The following TEKT1 variants were observed in gnomAD, a reference collection of about 807,000 sequenced individuals.
TEKT1 encodes tektin 1.
In TEKT1, 32 loss-of-function variants were observed where a neutral mutation model predicts 34.8. That is an observed-to-expected ratio of 0.92 (90% confidence interval 0.69 to 1.23). The LOEUF (loss-of-function observed/expected upper bound fraction) is 1.23. Among genes scored for constraint, TEKT1 ranks in the 50% most tolerant of loss-of-function variants. TEKT1 has a pLI of 0.00. For synonymous variants in TEKT1, 207 were observed against 199.8 expected, an observed-to-expected ratio of 1.04 and a Z score of -0.30; for missense variants, 492 against 518.5, an observed-to-expected ratio of 0.95 and a Z score of 0.50.
Position 6,811,410 on chromosome 17 carries a change from T to C in TEKT1, c.852+1421A>G, listed in dbSNP as rs1185203750. Among the ~76,000 whole-genome samples, 3 of 152,092 alleles carry C rather than the reference T, an allele frequency of 2.0e-5. No homozygotes were observed. Among genetic ancestry groups the C allele is most frequent in the Non-Finnish European group, 2.9e-5 (2 of 68,036 alleles). ...ACTTAACCCTGGCTGGGGAAGACTATTGTTTCTCCCCATTTTATCAAGGAG... is the reference window on the plus strand; with the variant it reads ...ACTTAACCCTGGCTGGGGAAGACTACTGTTTCTCCCCATTTTATCAAGGAG... On this transcript the variant is annotated intron_variant, in intron 6 of 7. Coordinates refer to ENST00000338694, the MANE Select transcript of TEKT1 (RefSeq NM_053285.2). This position sits in a 1 kb window ranked among gnomAD's most constrained non-coding sequence, Gnocchi z 4.4.
chr17:6,821,391 C>G (rs1977087922), intron 2 of TEKT1, among the ~76,000 whole-genome samples: 1 of 152,180 alleles, frequency 6.6e-6, no homozygotes, highest in Admixed American at 6.5e-5. Context: ...CTCCTGCCAC[C>G]ATGTGAAGAA....
At chr17:6,826,617 C>CAGATAGATAGAT (rs78082301) in intron 2 of TEKT1, among the ~76,000 whole-genome samples, 19 of 145,886 alleles carry the variant, frequency 1.3e-4, no homozygotes, top group African/African-American at 3.1e-4. Flanking sequence ...CTTAGATTTG[C>CAGATAGATAGAT]AGATAGATAG....
At chr17:6,812,110 T>C (rs953578948) in intron 6 of TEKT1, among the ~76,000 whole-genome samples, 1 of 151,924 alleles carries the variant, frequency 6.6e-6, no homozygotes, top group Non-Finnish European at 1.5e-5. Flanking sequence ...TCTCATGAGA[T>C]CTGATGGTTT....
At chr17:6,816,012 A>T in intron 3 of TEKT1, 50 bp from the exon 4 acceptor site, 1 of 1,607,692 alleles carries the variant, frequency 6.2e-7, no homozygotes, top group Non-Finnish European at 8.5e-7. Context: ...ACATGAGGTG[A>T]CTCAACATTG....
rs376922291 is a variant in TEKT1 at position 6,800,085 on chromosome 17, C to G, written c.1199G>C (p.Arg400Pro). The G allele has an allele frequency of 1.9e-6, 3 of 1,613,430 alleles. No individual in the cohort carries two copies. Among genetic ancestry groups the G allele is most frequent in the African/African-American group, 1.3e-5 (1 of 75,068 alleles). ...CMQMRKSIPLRDGEDHGVWAG... is the reference protein window; with the variant it reads ...CMQMRKSIPLPDGEDHGVWAG... ...CCAGACCCCATGGTCTTCCCCATCC[C>G]GAAGTGGGATGGATTTCCTCATCTG... Residue 400 changes from arginine (R) to proline (P), a missense_variant, in exon 8 of 8, where the codon CGG becomes CCG. Physicochemically the swap from Arg to Pro is moderately radical, Grantham distance 103. Coordinates refer to ENST00000338694, the MANE Select transcript of TEKT1 (RefSeq NM_053285.2).
At position 6,802,671 on chromosome 17, in the gene TEKT1, C is replaced by A. The variant is rs530049900; in HGVS notation, c.853-1728G>T. The stretch of plus-strand genomic sequence containing the variant: ...CAACAGGCCCTGGTGTGTGATGTTC[C>A]CCTTCCTGTGTCCATGTGTTCTCAT... On this transcript the variant is annotated intron_variant, in intron 6 of 7. Coordinates refer to ENST00000338694, the MANE Select transcript of TEKT1 (RefSeq NM_053285.2). Among the ~76,000 whole-genome samples, 933 of 148,362 alleles carry A rather than the reference C, an allele frequency of 6.3e-3. 5 individuals are homozygous for A. The highest frequency in any genetic ancestry group is 0.021 in the African/African-American group (847 of 40,350).
chr17:6,827,813 A>G (rs1904452676), intron 2 of TEKT1, among the ~76,000 whole-genome samples: 1 of 152,144 alleles, frequency 6.6e-6, no homozygotes, highest in African/African-American at 2.4e-5. Context: ...ATCTTTTGCT[A>G]GATTTATTCC....
intron 2 of TEKT1, among the ~76,000 whole-genome samples, chr17:6,821,372 C>T (rs1194829268): frequency 6.6e-6 from 1 of 152,212 alleles, no homozygotes; most frequent in African/African-American, 2.4e-5. Context: ...CCTTCATTTT[C>T]TCTTCTCTCT....
At position 6,811,562 on chromosome 17, in the gene TEKT1, G is replaced by A. The variant is rs1458259433; in HGVS notation, c.852+1269C>T. ...TTCCACTAGGCTCGTCTACCTCTCG[G>A]TTTGCTGAATATTGCAGTTTCACCC... On this transcript the variant is annotated intron_variant, in intron 6 of 7. Coordinates refer to ENST00000338694, the MANE Select transcript of TEKT1 (RefSeq NM_053285.2). This position sits in a 1 kb window ranked among gnomAD's most constrained non-coding sequence, Gnocchi z 4.4. Among the ~76,000 whole-genome samples, 1 of 152,076 alleles carries A rather than the reference G, an allele frequency of 6.6e-6. No homozygotes were observed. The highest frequency in any genetic ancestry group is 1.5e-5 in the Non-Finnish European group (1 of 68,006).
At chr17:6,816,101 C>T in intron 3 of TEKT1, 139 bp from the exon 4 acceptor site, 2 of 1,215,672 alleles carry the variant, frequency 1.6e-6, no homozygotes, top group Non-Finnish European at 2.2e-6. Context: ...CAGTGGGTGA[C>T]AGATATTAGT....
At chr17:6,826,897 A>G (rs148801968) in intron 2 of TEKT1, among the ~76,000 whole-genome samples, 75 of 152,098 alleles carry the variant, frequency 4.9e-4, no homozygotes, top group Admixed American at 2.9e-3. Context: ...GAGTTTCACC[A>G]TGCTAGCCAG....
At chr17:6,831,231 A>T (rs74550238) in intron 1 of TEKT1, among the ~76,000 whole-genome samples, 3,099 of 152,272 alleles carry the variant, frequency 0.02, 98 homozygotes, top group African/African-American at 0.07. Flanking sequence ...ATCTTCATAC[A>T]ACTCTGATGG....
chr17:6,815,650 C>T (rs1332139065), intron 4 of TEKT1, among the ~76,000 whole-genome samples, 184 bp downstream of exon 4: 1 of 152,134 alleles, frequency 6.6e-6, no homozygotes, highest in Non-Finnish European at 1.5e-5. Flanking sequence ...TACCAGAGGG[C>T]GGCTGCCATG....
chr17:6,828,880 G>A (rs915326303), intron 2 of TEKT1, among the ~76,000 whole-genome samples: 9 of 152,032 alleles, frequency 5.9e-5, no homozygotes, highest in Non-Finnish European at 1.2e-4. Flanking sequence ...GGCAGGGTGC[G>A]GTGGCTCGTG....
chr17:6,816,255 AAG>A (rs1977007309), intron 3 of TEKT1, among the ~76,000 whole-genome samples: 1 of 151,888 alleles, frequency 6.6e-6, no homozygotes, highest in African/African-American at 2.4e-5. Flanking sequence ...ATTATACTTT[AAG>A]TTCTAGGGTA....
At chr17:6,810,257 C>T (rs1315564728) in intron 6 of TEKT1, among the ~76,000 whole-genome samples, 1 of 152,002 alleles carries the variant, frequency 6.6e-6, no homozygotes, top group African/African-American at 2.4e-5. Flanking sequence ...GCTTACTTGC[C>T]CTCTGTATAT....
chr17:6,803,777 C>T (rs1266345065), intron 6 of TEKT1, among the ~76,000 whole-genome samples: 4 of 151,946 alleles, frequency 2.6e-5, no homozygotes, highest in South Asian at 2.1e-4. Context: ...TGTAGATATG[C>T]GGCAGTATTT....
chr17:6,799,386 TG>T lies in TEKT1; in HGVS notation c.*640del, dbSNP rs1455651510. The T allele has an allele frequency of 2.6e-5, 4 of 152,346 alleles. No individual in the cohort carries two copies. Among genetic ancestry groups the T allele is most frequent in the Admixed American group, 2.6e-4 (4 of 15,302 alleles). 9.4% of individuals were successfully genotyped at this position (152,346 alleles called of 1,614,324 possible). ...TGGTATAGGGTGGGACTGCTCACAA[TG>T]GCTCACATTCATTAAACACTCACTG... On this transcript the variant is annotated 3_prime_UTR_variant, in exon 8 of 8. Coordinates refer to ENST00000338694, the MANE Select transcript of TEKT1 (RefSeq NM_053285.2).
rs111866156 is a variant in TEKT1, at chr17:6,826,820, C to T, written c.190+3367G>A. ...ACGCCATTCTCCTGCCTCAGCCTCC[C>T]GAGTAGCTGGGACTACAGGCACCCG... On this transcript the variant is annotated intron_variant, in intron 2 of 7. Coordinates refer to ENST00000338694, the MANE Select transcript of TEKT1 (RefSeq NM_053285.2). Among the ~76,000 whole-genome samples the T allele has an allele frequency of 7.3e-5, 11 of 151,316 alleles. 1 individual carries two copies. Among genetic ancestry groups the T allele is most frequent in the African/African-American group, 2.2e-4 (9 of 41,196 alleles).
Sources: allele counts gnomAD v4.1 joint callset (sites outside exome capture counted in the v4.1 genomes callset), GRCh38; gene constraint gnomAD v4.1.1; non-coding constraint Gnocchi (gnomAD v3.1); transcripts MANE v1.5; gene names NCBI Gene and HGNC (gene_info 2026-07-23, HGNC 2026-07-21).